Variants in FAM227A observed in about 807,000 individuals in gnomAD.
FAM227A encodes the protein family with sequence similarity 227 member A.
Under a neutral mutation model 74.7 loss-of-function variants are expected in FAM227A, and 80 were observed. The ratio of observed to expected loss-of-function variants is 1.07; its 90% CI spans 0.89 to 1.29. The LOEUF (loss-of-function observed/expected upper bound fraction) is 1.29, where lower values mean the gene tolerates loss of function less well. FAM227A is among the 50% of genes most tolerant of loss of function. The pLI is 0.00. For synonymous variants in FAM227A, 237 were observed against 241.8 expected, an observed-to-expected ratio of 0.98 and a Z score of 0.19; for missense variants, 654 against 683.4, an observed-to-expected ratio of 0.96 and a Z score of 0.48.
At chr22:38,636,107 CAGAAA>C (rs3042693) in intron 6 of FAM227A, among the ~76,000 whole-genome samples, 17 of 149,232 alleles carry the variant, frequency 1.1e-4, no homozygotes, top group Admixed American at 4.7e-4. Flanking sequence ...AAGAAGGAAA[CAGAAA>C]AGAAAAGAAA....
At chr22:38,626,784 G>C (rs1320415427) in intron 8 of FAM227A, among the ~76,000 whole-genome samples, 1 of 137,950 alleles carries the variant, frequency 7.2e-6, no homozygotes, top group African/African-American at 2.8e-5. Context: ...TGAGGCAGGA[G>C]AAGCACTTGA....
intron 9 of FAM227A, among the ~76,000 whole-genome samples, chr22:38,625,387 CAA>C (rs1037434338): frequency 2.7e-4 from 20 of 75,288 alleles, no homozygotes; most frequent in Non-Finnish European, 2.7e-4. Flanking sequence ...AGATCCGTCT[CAA>C]AAAAAAAAAA....
rs1314930136 is a variant in FAM227A, at chr22:38,585,182, C to T, written c.*943G>A. The T allele has an allele frequency of 6.6e-6, 1 of 152,152 alleles. No individual in the cohort carries two copies. Among genetic ancestry groups the T allele is most frequent in the Non-Finnish European group, 1.5e-5 (1 of 68,038 alleles). The allele number at this position is 152,152 out of a possible 1,614,324, so 9.4% of individuals were successfully genotyped here. ...AGGAATGAACTTTACTATTCCTTGT[C>T]TCATGAACTGGGAGTGACTAAATGT... is the stretch of plus-strand genomic sequence containing the variant. On this transcript the variant is annotated 3_prime_UTR_variant, in exon 17 of 17. Coordinates refer to ENST00000535113, the MANE Select transcript of FAM227A (RefSeq NM_001013647.2).
At chr22:38,604,108 C>T (rs2091232921) in intron 13 of FAM227A, among the ~76,000 whole-genome samples, 1 of 152,120 alleles carries the variant, frequency 6.6e-6, no homozygotes, top group Non-Finnish European at 1.5e-5. Context: ...GGGCGGATCA[C>T]CTGAGATCGC....
chr22:38,623,263 T>C lies in FAM227A; in HGVS notation c.867A>G (p.Pro289=), dbSNP rs1241771531. ...SLWISGTYPS[P]QSYDSWDYSE... is the part of the protein sequence containing the mutation. ...AGTAGTCCCAGCTGTCATAGCTCTG[T>C]GGGCTAGGATAGGTGCCTAAGGGAG... Residue 289 remains proline (P), a synonymous_variant, in exon 10 of 17, where the codon CCA becomes CCG. Transcript: ENST00000535113. The C allele has an allele frequency of 6.4e-7, 1 of 1,551,170 alleles. No homozygotes were observed. The highest frequency in any genetic ancestry group is 8.7e-7 in the Non-Finnish European group (1 of 1,146,678).
intron 2 of FAM227A, among the ~76,000 whole-genome samples, chr22:38,648,259 C>T (rs951971806): frequency 6.7e-6 from 1 of 148,216 alleles, no homozygotes; most frequent in African/African-American, 2.5e-5. Context: ...AGATTTGGGG[C>T]CAGGGAGAAG....
rs115728347 is a variant in FAM227A, at chr22:38,599,685, C to T, written c.1379+79G>A. On this transcript the variant is annotated intron_variant, in intron 14 of 16. Transcript: ENST00000535113. ...AGGCGCTGTGCTAAGGCCTGGGTGCCATTCCCTGACCTTTGCTTCTGGGAA... is the reference window on the plus strand; with the variant it reads ...AGGCGCTGTGCTAAGGCCTGGGTGCTATTCCCTGACCTTTGCTTCTGGGAA... 1.1e-3 allele frequency: 1,509 copies of T among 1,375,268 alleles called. 11 individuals are homozygous for T. In the African/African-American group the frequency reaches 0.02, roughly 18 times the overall value. The allele number at this position is 1,375,268 out of a possible 1,614,324, so 85.2% of individuals were successfully genotyped here.
At chr22:38,620,679 C>A (rs969378567) in intron 10 of FAM227A, among the ~76,000 whole-genome samples, 1 of 151,536 alleles carries the variant, frequency 6.6e-6, no homozygotes. Context: ...CATGGTGGCG[C>A]GCGCCTGTAG....
intron 3 of FAM227A, among the ~76,000 whole-genome samples, chr22:38,641,558 A>T (rs55910337): frequency 6.9e-6 from 1 of 145,692 alleles, no homozygotes; most frequent in East Asian, 2.1e-4. Flanking sequence ...TCTCAAAAAA[A>T]AAAAAAAAAA....
intron 8 of FAM227A, among the ~76,000 whole-genome samples, chr22:38,626,890 A>C (rs944708626): frequency 9.6e-6 from 1 of 103,790 alleles, no homozygotes; most frequent in African/African-American, 4.1e-5. Context: ...AAAAAAAAAA[A>C]AATATATATA....
chr22:38,597,121 C>G, intron 15 of FAM227A, 83 bp downstream of exon 15: 1 of 1,380,858 alleles, frequency 7.2e-7, no homozygotes, highest in Non-Finnish European at 1.0e-6. Flanking sequence ...CCCTGCCCCA[C>G]CAACCCATTT....
At chr22:38,602,671 A>G (rs1028913560) in intron 13 of FAM227A, among the ~76,000 whole-genome samples, 7 of 152,214 alleles carry the variant, frequency 4.6e-5, no homozygotes, top group African/African-American at 1.7e-4. Flanking sequence ...TAATGAATTT[A>G]CTTAGTAAAA....
At position 38,582,228 on chromosome 22, in the gene FAM227A, C is replaced by A; in HGVS notation, c.*3897G>T. The stretch of plus-strand genomic sequence containing the variant: ...AACCCCTTCCAGCTTCCCTCCTATC[C>A]CCTCTCCAGCTATCCCTCCTGTTCT... On this transcript the variant is annotated 3_prime_UTR_variant, in exon 17 of 17. Coordinates refer to ENST00000535113, the MANE Select transcript of FAM227A (RefSeq NM_001013647.2). 2 of 1,047,460 alleles carry A rather than the reference C, an allele frequency of 1.9e-6. No homozygotes were observed. The highest frequency in any genetic ancestry group is 1.6e-5 in the South Asian group (1 of 63,124). The allele number at this position is 1,047,460 out of a possible 1,614,324, so 64.9% of individuals were successfully genotyped here.
chr22:38,621,675 C>T (rs1387438002), intron 10 of FAM227A, among the ~76,000 whole-genome samples: 1 of 152,162 alleles, frequency 6.6e-6, no homozygotes, highest in African/African-American at 2.4e-5. Context: ...CCGTGCTCTG[C>T]TCTAAGGGTT....
chr22:38,654,658 C>T (rs2092364951), intron 1 of FAM227A, among the ~76,000 whole-genome samples: 1 of 150,038 alleles, frequency 6.7e-6, no homozygotes, highest in East Asian at 2.0e-4. Context: ...AGGCTGGGCG[C>T]GGTGGCTCAC....
chr22:38,616,153 G>A (rs1363492609), intron 11 of FAM227A, among the ~76,000 whole-genome samples: 1 of 152,212 alleles, frequency 6.6e-6, no homozygotes, highest in Non-Finnish European at 1.5e-5. Flanking sequence ...CAGCCAGTGA[G>A]GAAGGAAAAC....
intron 14 of FAM227A, among the ~76,000 whole-genome samples, chr22:38,599,214 G>A (rs148456657): frequency 3.0e-4 from 46 of 152,034 alleles, no homozygotes; most frequent in East Asian, 2.5e-3. Context: ...CGCTCATCTC[G>A]GCTCTCACAG....
intron 6 of FAM227A, among the ~76,000 whole-genome samples, chr22:38,634,199 G>T (rs142040926): frequency 0.021 from 2,694 of 131,058 alleles, 87 homozygotes; most frequent in African/African-American, 0.071. Flanking sequence ...TCCAGCCTGG[G>T]AGACAGAGCA....
intron 11 of FAM227A, among the ~76,000 whole-genome samples, chr22:38,617,670 AG>A (rs1401099503): frequency 7.2e-5 from 11 of 152,198 alleles, no homozygotes; most frequent in African/African-American, 2.7e-4. Flanking sequence ...TGGGGCATTC[AG>A]GTACTAGAAG....
Sources: allele counts gnomAD v4.1 joint callset (sites outside exome capture counted in the v4.1 genomes callset), GRCh38; gene constraint gnomAD v4.1.1; transcripts MANE v1.5; gene names NCBI Gene and HGNC (gene_info 2026-07-23, HGNC 2026-07-21).